The following UNC79 variants were observed in gnomAD, a reference collection of about 807,000 sequenced individuals.
UNC79 encodes protein unc-79 homolog.
A neutral mutation model predicts 283.1 loss-of-function variants in UNC79; 37 were observed. The observed-to-expected ratio is 0.13, with a 90% CI of 0.10 to 0.17. The LOEUF (loss-of-function observed/expected upper bound fraction) is 0.17, where lower values mean the gene tolerates loss of function less well. Ranked by LOEUF, UNC79 falls within the 10% of genes least tolerant of loss-of-function variation. The pLI is 1.00. For synonymous variants in UNC79, 1,107 were observed against 1,200.2 expected (o/e 0.92, Z 1.61); for missense variants, 2,272 against 3,211.1 (o/e 0.71, Z 7.07).
intron 1 of UNC79, among the ~76,000 whole-genome samples, chr14:93,358,540 C>T (rs2054157443): frequency 1.3e-5 from 2 of 152,158 alleles, no homozygotes; most frequent in South Asian, 4.1e-4. Context: ...CACAGCCTCA[C>T]CAGGTGTCTA....
chr14:93,650,786 G>T (rs1417578928), intron 35 of UNC79, among the ~76,000 whole-genome samples: 1 of 152,050 alleles, frequency 6.6e-6, no homozygotes, highest in African/African-American at 2.4e-5. Context: ...TTTAATTTAG[G>T]TGAATTCTAA....
intron 26 of UNC79, 67 bp downstream of exon 26, chr14:93,603,485 T>C: frequency 5.8e-6 from 9 of 1,545,562 alleles, no homozygotes; most frequent in Non-Finnish European, 7.9e-6. Flanking sequence ...ACTTGTCTTG[T>C]TGAATGTTCA....
At chr14:93,444,237 A>G (rs534835107) in intron 1 of UNC79, among the ~76,000 whole-genome samples, 15 of 152,156 alleles carry the variant, frequency 9.9e-5, no homozygotes, top group African/African-American at 3.4e-4. Flanking sequence ...GACTATTTGT[A>G]TATCTTCTTT....
At chr14:93,618,324 A>G in exon 29 of UNC79, 1 of 1,613,750 alleles carries the variant, frequency 6.2e-7, no homozygotes, top group Admixed American at 1.7e-5. Flanking sequence ...TGACAACAGT[A>G]ACATAAGCAG....
chr14:93,687,412 T>C (rs575847461), intron 43 of UNC79, among the ~76,000 whole-genome samples: 2 of 152,316 alleles, frequency 1.3e-5, no homozygotes, highest in African/African-American at 4.8e-5. Context: ...ATGAATAGTT[T>C]GAGAGATCTG....
At chr14:93,507,104 T>C (rs1181727579) in intron 7 of UNC79, among the ~76,000 whole-genome samples, 1 of 152,224 alleles carries the variant, frequency 6.6e-6, no homozygotes, top group East Asian at 1.9e-4. Context: ...TATTGCTAAG[T>C]ATTCCATTGC....
chr14:93,546,784 T>C (rs938549840), intron 14 of UNC79, among the ~76,000 whole-genome samples: 2 of 152,160 alleles, frequency 1.3e-5, no homozygotes, highest in African/African-American at 4.8e-5. Context: ...AATGAACCCA[T>C]TAGCTGCTCC....
rs115602875 is a variant in UNC79, at chr14:93,535,633, G to A, written c.1123-2356G>A. 7.2e-3 allele frequency among the ~76,000 whole-genome samples: 1,101 copies of A among 152,256 alleles called. 5 individuals are homozygous for A. The highest frequency in any genetic ancestry group is 0.015 in the African/African-American group (616 of 41,554). ...TTATCTAGAGGTTTCTAGATCATAC[G>A]TTTGGGCTCTGGGATGGGGTGACTT... On this transcript the variant is annotated intron_variant, in intron 11 of 48. Coordinates refer to ENST00000555664, the Ensembl canonical transcript of UNC79.
intron 11 of UNC79, among the ~76,000 whole-genome samples, chr14:93,536,013 T>C (rs1239913908): frequency 6.6e-6 from 1 of 152,178 alleles, no homozygotes; most frequent in Non-Finnish European, 1.5e-5. Flanking sequence ...CTCATCAAAA[T>C]CAAGTTCAGG....
chr14:93,513,678 CGT>C (rs2059932888), intron 7 of UNC79, among the ~76,000 whole-genome samples: 1 of 152,046 alleles, frequency 6.6e-6, no homozygotes, highest in South Asian at 2.1e-4. Flanking sequence ...CATTTCAAGT[CGT>C]CTCTTCTAGG....
intron 7 of UNC79, among the ~76,000 whole-genome samples, chr14:93,498,917 T>C (rs1159935313): frequency 2.0e-5 from 3 of 152,312 alleles, no homozygotes; most frequent in East Asian, 1.9e-4. Flanking sequence ...TTGACTTTTC[T>C]CCAAGTTATT....
chr14:93,468,715 C>A (rs1296344214), intron 2 of UNC79, among the ~76,000 whole-genome samples: 1 of 152,200 alleles, frequency 6.6e-6, no homozygotes, highest in Non-Finnish European at 1.5e-5. Context: ...GCGATCAAGT[C>A]AGCTACGAAT....
chr14:93,380,951 G>T (rs2054653323), intron 1 of UNC79, among the ~76,000 whole-genome samples: 1 of 152,188 alleles, frequency 6.6e-6, no homozygotes, highest in Non-Finnish European at 1.5e-5. Flanking sequence ...GTATTTGTCA[G>T]TCATTTAGTA....
In UNC79 at chr14:93,487,676, G is replaced by A. The variant is rs767810504; in HGVS notation, c.633G>A (p.Arg211=). The A allele has an allele frequency of 2.5e-6, 4 of 1,613,826 alleles. No homozygotes were observed. The South Asian group carries it at 4.4e-5, about 18-fold the overall frequency. The change falls in exon 5 of 49, where the codon AGG becomes AGA. Residue 211 remains arginine, a synonymous_variant. Transcript: ENST00000555664. ...TTTTGGTTGCAGTGGGCTCCTCAAG[G>A]AGAGAAGGTGTACCTGCCCATGTTA...
At chr14:93,376,558 T>G (rs1009837730) in intron 1 of UNC79, among the ~76,000 whole-genome samples, 5 of 152,086 alleles carry the variant, frequency 3.3e-5, no homozygotes, top group African/African-American at 1.2e-4. Flanking sequence ...CAGTTGGAAT[T>G]TAAGAGTTTA....
intron 7 of UNC79, among the ~76,000 whole-genome samples, chr14:93,501,596 G>A (rs918550813): frequency 2.0e-5 from 3 of 152,068 alleles, no homozygotes; most frequent in African/African-American, 7.2e-5. Context: ...GCTGAGGCAG[G>A]GGAATTGCTT....
intron 1 of UNC79, chr14:93,348,217 A>G (rs1017184420): frequency 2.7e-6 from 2 of 735,938 alleles, no homozygotes; most frequent in Non-Finnish European, 4.9e-6. Flanking sequence ...GAGTTGATGC[A>G]ACCATTGTGG....
chr14:93,665,941 A>G (rs2072150852), intron 40 of UNC79, among the ~76,000 whole-genome samples: 1 of 152,110 alleles, frequency 6.6e-6, no homozygotes. Flanking sequence ...AAATTGGTAC[A>G]GTGTGAAAAT....
At chr14:93,340,826 C>T (rs2053693079) in intron 1 of UNC79, among the ~76,000 whole-genome samples, 1 of 152,144 alleles carries the variant, frequency 6.6e-6, no homozygotes, top group Admixed American at 6.5e-5. Flanking sequence ...CCCATCTCAG[C>T]CTCCTAAAGT....
Sources: gnomAD v4.1 joint callset for allele counts (sites outside exome capture counted in the v4.1 genomes callset) on GRCh38, gnomAD v4.1.1 for gene constraint, MANE v1.5 for transcripts, NCBI Gene and HGNC (gene_info 2026-07-23, HGNC 2026-07-21) for gene names.